The following ELP2 variants were observed in gnomAD, a reference collection of about 807,000 sequenced individuals.
ELP2 encodes the protein elongator acetyltransferase complex subunit 2, also known as elongator complex protein 2.
In ELP2, 90 loss-of-function variants were observed where a neutral mutation model predicts 119.2. The ratio of observed to expected loss-of-function variants is 0.75; its 90% CI spans 0.64 to 0.90. The LOEUF (loss-of-function observed/expected upper bound fraction) is 0.90. Ranked by LOEUF, ELP2 falls within the 40% of genes least tolerant of loss-of-function variation. ELP2 has a pLI of 0.00. For missense variants in ELP2, 921 were observed against 967.8 expected, an observed-to-expected ratio of 0.95 and a Z score of 0.64; for synonymous variants, 339 against 331.0, an observed-to-expected ratio of 1.02 and a Z score of -0.26.
chr18:36,160,055 C>A, intron 16 of ELP2, 40 bp downstream of exon 16: 1 of 1,601,038 alleles, frequency 6.2e-7, no homozygotes, highest in South Asian at 1.1e-5. Context: ...CTGATTCTGT[C>A]GTAACTTCTG....
intron 14 of ELP2, among the ~76,000 whole-genome samples, chr18:36,159,367 C>A (rs1013061078): frequency 6.6e-6 from 1 of 152,160 alleles, no homozygotes; most frequent in Non-Finnish European, 1.5e-5. Context: ...CCTGCCTTGG[C>A]CTCCCAAACT....
chr18:36,162,764 A>G (rs1414208407), intron 17 of ELP2, among the ~76,000 whole-genome samples: 1 of 152,198 alleles, frequency 6.6e-6, no homozygotes, highest in Non-Finnish European at 1.5e-5. Flanking sequence ...GTAAGTGTGT[A>G]GCAGCTCATT....
rs1340596028 is a variant in ELP2, at chr18:36,146,269, G to T, written c.1013G>T (p.Gly338Val). 3 of 1,613,998 alleles carry T rather than the reference G, an allele frequency of 1.9e-6. No individual in the cohort carries two copies. The change falls in exon 11 of 22, where the codon GGT becomes GTT. Residue 338 changes from glycine (G) to valine (V), a missense_variant. Physicochemically the swap from Gly to Val is moderately radical, Grantham distance 109. Coordinates refer to ENST00000358232, the MANE Select transcript of ELP2 (RefSeq NM_018255.4). ...WLEQVRVGEV[G>V]GNTLGFYDCQ... ...GTACAGGTTCGAGTAGGTGAAGTAG[G>T]TGGGAATACTTTGGGATTTTATGAT...
At chr18:36,157,918 C>G (rs534183903) in intron 13 of ELP2, among the ~76,000 whole-genome samples, 1 of 152,230 alleles carries the variant, frequency 6.6e-6, no homozygotes, top group Admixed American at 6.5e-5. Flanking sequence ...TGGGGTTTTA[C>G]GATTCCATGA....
In ELP2 at chr18:36,159,019, GTA is replaced by G. The variant is rs113768830; in HGVS notation, c.1534+119_1534+120del. ...CAGCTGATTTTTTTTTTAAATCACAGTATATCTTTTCTATCACCTATTTCGTG... is the reference window on the plus strand; with the variant it reads ...CAGCTGATTTTTTTTTTAAATCACAGTATCTTTTCTATCACCTATTTCGTG... On this transcript the variant is annotated intron_variant, in intron 14 of 21. Coordinates refer to ENST00000358232, the MANE Select transcript of ELP2 (RefSeq NM_018255.4). The G allele has an allele frequency of 3.0e-4, 224 of 739,360 alleles. 1 individual carries two copies. The African/African-American group carries it at 3.3e-3, about 11-fold the overall frequency. The allele number at this position is 739,360 out of a possible 1,614,324, so 45.8% of individuals were successfully genotyped here. A position where few individuals can be genotyped will look rare whatever the true frequency, so the allele number is the denominator to read the frequency against.
chr18:36,151,483 C>A (rs1256092867), intron 11 of ELP2, among the ~76,000 whole-genome samples: 1 of 152,126 alleles, frequency 6.6e-6, no homozygotes, highest in Non-Finnish European at 1.5e-5. Context: ...CCCTTTGGTC[C>A]ACCCAGCCTT....
At chr18:36,141,323 A>C in intron 6 of ELP2, 122 bp downstream of exon 6, 1 of 846,714 alleles carries the variant, frequency 1.2e-6, no homozygotes, top group African/African-American at 1.7e-5. Flanking sequence ...AATCCAATAG[A>C]ATCTTTTTTT....
At chr18:36,133,505 T>C (rs575874427) in intron 2 of ELP2, among the ~76,000 whole-genome samples, 189 bp downstream of exon 2, 130 of 152,356 alleles carry the variant, frequency 8.5e-4, no homozygotes, top group Middle Eastern at 3.4e-3. Flanking sequence ...CAGTTGAAGC[T>C]TGGATTATAC....
At position 36,164,550 on chromosome 18, in the gene ELP2, C is replaced by T. The variant is rs1360211542; in HGVS notation, c.1837C>T (p.His613Tyr). Residue 613 changes from histidine (H) to tyrosine (Y), a missense_variant, in exon 18 of 22, where the codon CAC (histidine) becomes TAC (tyrosine). His to Tyr is a moderately conservative substitution (Grantham distance 83, BLOSUM62 2). Transcript: ENST00000358232. The stretch of plus-strand genomic sequence containing the variant: ...GAAACAGGTGCAGAATTTAGTTTTC[C>T]ACAGTTTGACAGTCACGCAGATGGC... Reference protein sequence around the residue: ...SWKQVQNLVFHSLTVTQMAFS... With the variant: ...SWKQVQNLVFYSLTVTQMAFS... 1 of 1,613,996 alleles carries T rather than the reference C, an allele frequency of 6.2e-7. No homozygotes were observed. Among genetic ancestry groups the T allele is most frequent in the Non-Finnish European group, 8.5e-7 (1 of 1,179,966 alleles).
intron 17 of ELP2, among the ~76,000 whole-genome samples, chr18:36,163,016 G>C (rs1598816870): frequency 6.6e-6 from 1 of 152,020 alleles, no homozygotes; most frequent in Non-Finnish European, 1.5e-5. Flanking sequence ...CCCATCAGCT[G>C]AATAGTATAC....
intron 7 of ELP2, 32 bp downstream of exon 7, chr18:36,142,379 A>G (rs751187677): frequency 5.2e-6 from 8 of 1,533,268 alleles, no homozygotes; most frequent in Non-Finnish European, 6.3e-6. Context: ...TGCACATACA[A>G]TGGGAACAAA....
intron 3 of ELP2, 110 bp downstream of exon 3, chr18:36,136,487 C>A: frequency 1.2e-6 from 1 of 863,444 alleles, no homozygotes; most frequent in South Asian, 1.3e-5. Flanking sequence ...GCGATCGTGG[C>A]TCACCTCAGC....
Position 36,177,094 on chromosome 18 carries a change from G to A in ELP2, c.*2453G>A, listed in dbSNP as rs1038988927. The stretch of plus-strand genomic sequence containing the variant: ...ATGTATACTGACATGTTTGAGGGAA[G>A]TTACTGTGGTCTGTAACTTATGAAA... On this transcript the variant is annotated 3_prime_UTR_variant, in exon 22 of 22. Transcript: ENST00000358232. The A allele has an allele frequency of 6.6e-6, 1 of 152,156 alleles. No individual in the cohort carries two copies. Among genetic ancestry groups the A allele is most frequent in the Admixed American group, 6.5e-5 (1 of 15,276 alleles). 9.4% of individuals were successfully genotyped at this position (152,156 alleles called of 1,614,324 possible).
At chr18:36,166,338 T>TG (rs1568022541) in intron 18 of ELP2, among the ~76,000 whole-genome samples, 5 of 126,288 alleles carry the variant, frequency 4.0e-5, no homozygotes, top group African/African-American at 1.5e-4. Context: ...TTTTTTTTTT[T>TG]TTTTTTTTTC....
chr18:36,164,634 T>C lies in ELP2; in HGVS notation c.1921T>C (p.Trp641Arg). Residue 641 changes from tryptophan (W) to arginine (R), a missense_variant, in exon 18 of 22, where the codon TGG (tryptophan) becomes CGG (arginine). Trp to Arg is a moderately radical substitution (Grantham distance 101). Coordinates refer to ENST00000358232, the MANE Select transcript of ELP2 (RefSeq NM_018255.4). ...TTCCAGAGATCGAACCTGGTCATTG[T>C]GGAAAAAGCAGGATACAATCTCACC... is the stretch of plus-strand genomic sequence containing the variant. ...AVSRDRTWSL[W>R]KKQDTISPEF... 6.2e-7 allele frequency: 1 copy of C among 1,614,076 alleles called. No individual in the cohort carries two copies. The highest frequency in any genetic ancestry group is 1.1e-5 in the South Asian group (1 of 91,074).
rs200580591 is a variant in ELP2, at chr18:36,145,959, C to G, written c.904C>G (p.Gln302Glu). Residue 302 changes from glutamine (Q) to glutamate (E), a missense_variant, in exon 10 of 22, where the codon CAG (glutamine) becomes GAG (glutamate). By Grantham distance (29) the Gln-to-Glu change is conservative. Coordinates refer to ENST00000358232, the MANE Select transcript of ELP2 (RefSeq NM_018255.4). Reference sequence around the variant, plus strand: ...GTTTTATTTTTTAGATGGTGTCCTACAGCAGCCAGTGAGATTATTATCTGC... The same window carrying G: ...GTTTTATTTTTTAGATGGTGTCCTAGAGCAGCCAGTGAGATTATTATCTGC... ...QPVFYKDGVL[Q>E]QPVRLLSASM... is the part of the protein sequence containing the mutation. 6.2e-7 allele frequency: 1 copy of G among 1,613,266 alleles called. No individual in the cohort carries two copies. The highest frequency in any genetic ancestry group is 1.7e-5 in the Admixed American group (1 of 60,014).
chr18:36,149,613 G>A (rs536251862), intron 11 of ELP2, among the ~76,000 whole-genome samples: 2 of 150,400 alleles, frequency 1.3e-5, no homozygotes, highest in South Asian at 2.1e-4. Flanking sequence ...TTTTTGAGGC[G>A]ATTTGGGGAA....
At chr18:36,154,535 T>C (rs764319876) in intron 11 of ELP2, among the ~76,000 whole-genome samples, 2 of 152,178 alleles carry the variant, frequency 1.3e-5, no homozygotes, top group Non-Finnish European at 2.9e-5. Flanking sequence ...CCCTAGAAGG[T>C]AGGTGCTGTT....
At chr18:36,165,703 G>T (rs932416948) in intron 18 of ELP2, among the ~76,000 whole-genome samples, 1 of 152,174 alleles carries the variant, frequency 6.6e-6, no homozygotes, top group African/African-American at 2.4e-5. Flanking sequence ...CCAACATGGT[G>T]AAACCCCATC....
Sources: allele counts gnomAD v4.1 joint callset (sites outside exome capture counted in the v4.1 genomes callset), GRCh38; gene constraint gnomAD v4.1.1; transcripts MANE v1.5; gene names NCBI Gene and HGNC (gene_info 2026-07-23, HGNC 2026-07-21).